Variants in SLC39A11 observed in about 807,000 individuals in gnomAD.
SLC39A11 encodes the protein solute carrier family 39 member 11.
Under a neutral mutation model 36.1 loss-of-function variants are expected in SLC39A11, and 33 were observed. That is an observed-to-expected ratio of 0.91 (90% CI 0.69 to 1.22). The LOEUF (loss-of-function observed/expected upper bound fraction) is 1.22. Among genes scored for constraint, SLC39A11 ranks in the 50% most tolerant of loss-of-function variants. The probability of loss-of-function intolerance (pLI) is 0.00; values close to 1 mark genes in which losing one functional copy is unlikely to be tolerated. For missense variants in SLC39A11, 432 were observed against 430.3 expected (o/e 1.00, Z -0.03); for synonymous variants, 166 against 170.3 (o/e 0.97, Z 0.20).
intron 6 of SLC39A11, among the ~76,000 whole-genome samples, chr17:72,813,378 C>G (rs1217858820): frequency 6.6e-6 from 1 of 152,160 alleles, no homozygotes; most frequent in African/African-American, 2.4e-5. Context: ...AATTAAGACA[C>G]CCATTTTCTC....
At chr17:72,909,077 C>T (rs964769161) in intron 5 of SLC39A11, among the ~76,000 whole-genome samples, 1 of 152,180 alleles carries the variant, frequency 6.6e-6, no homozygotes, top group Non-Finnish European at 1.5e-5. Flanking sequence ...AGCAGGTTGC[C>T]TCAGAGTGCA....
At chr17:72,936,913 G>A (rs2084808335) in intron 5 of SLC39A11, among the ~76,000 whole-genome samples, 1 of 152,178 alleles carries the variant, frequency 6.6e-6, no homozygotes, top group Non-Finnish European at 1.5e-5. Context: ...TGGACTCAGA[G>A]CTCAGGCAGT....
chr17:73,047,639 A>C (rs1170933088), intron 3 of SLC39A11, among the ~76,000 whole-genome samples: 1 of 151,962 alleles, frequency 6.6e-6, no homozygotes, highest in African/African-American at 2.4e-5. Context: ...GCCAAGATTC[A>C]GGCCCAGCCA....
At chr17:72,791,848 T>C (rs2076716561) in intron 6 of SLC39A11, among the ~76,000 whole-genome samples, 2 of 152,224 alleles carry the variant, frequency 1.3e-5, no homozygotes, top group African/African-American at 4.8e-5. Context: ...ACATGTTGGC[T>C]TCCCCTTCCA....
At chr17:72,780,192 A>G (rs2076262357) in intron 6 of SLC39A11, among the ~76,000 whole-genome samples, 1 of 152,162 alleles carries the variant, frequency 6.6e-6, no homozygotes, top group African/African-American at 2.4e-5. Context: ...GTGGGCCAGC[A>G]CTGCCCAGAG....
At chr17:72,839,749 C>T (rs1189490387) in intron 6 of SLC39A11, 3 of 152,178 alleles carry the variant, frequency 2.0e-5, no homozygotes, top group South Asian at 4.1e-4. Flanking sequence ...ATTAAAACAT[C>T]CCCAGTAAGA....
intron 6 of SLC39A11, among the ~76,000 whole-genome samples, chr17:72,819,337 C>T (rs2077690940): frequency 6.6e-6 from 1 of 151,308 alleles, no homozygotes; most frequent in Non-Finnish European, 1.5e-5. Flanking sequence ...CAGATCCTTC[C>T]CTCAGAGCCC....
At chr17:72,716,776 C>G (rs1271998876) in intron 7 of SLC39A11, among the ~76,000 whole-genome samples, 3 of 151,790 alleles carry the variant, frequency 2.0e-5, no homozygotes, top group Non-Finnish European at 4.4e-5. Context: ...TGAGACCAAC[C>G]TGGCCAACAT....
chr17:72,694,916 C>A (rs1334607955), intron 7 of SLC39A11, among the ~76,000 whole-genome samples: 1 of 152,208 alleles, frequency 6.6e-6, no homozygotes, highest in South Asian at 2.1e-4. Flanking sequence ...CTGTCTCTCA[C>A]TCCATCTTTC....
intron 5 of SLC39A11, among the ~76,000 whole-genome samples, chr17:72,924,287 A>G (rs1404182592): frequency 6.6e-6 from 1 of 151,980 alleles, no homozygotes; most frequent in East Asian, 1.9e-4. Flanking sequence ...TAACCCTAGT[A>G]AATCCTTTTA....
intron 4 of SLC39A11, among the ~76,000 whole-genome samples, chr17:73,009,491 G>A (rs1427697433): frequency 6.6e-6 from 1 of 152,048 alleles, no homozygotes; most frequent in African/African-American, 2.4e-5. Context: ...AATATGAAAT[G>A]TCCAGAATGG....
intron 3 of SLC39A11, among the ~76,000 whole-genome samples, chr17:73,062,936 C>T (rs1379386712): frequency 1.3e-5 from 2 of 152,120 alleles, no homozygotes; most frequent in East Asian, 3.9e-4. Flanking sequence ...TGGAGAGTGG[C>T]TGCAAATACA....
At chr17:72,679,903 G>A (rs1011983549) in intron 7 of SLC39A11, among the ~76,000 whole-genome samples, 2 of 151,950 alleles carry the variant, frequency 1.3e-5, no homozygotes, top group South Asian at 2.1e-4. Context: ...TTAGCTGGGC[G>A]TGGTGGCGCA....
intron 6 of SLC39A11, among the ~76,000 whole-genome samples, chr17:72,798,339 A>G (rs988245130): frequency 6.6e-6 from 1 of 151,764 alleles, no homozygotes; most frequent in Non-Finnish European, 1.5e-5. Context: ...TCAGGCTTGC[A>G]AAGAGCCACC....
intron 5 of SLC39A11, among the ~76,000 whole-genome samples, chr17:72,943,060 A>T (rs2085212915): frequency 6.6e-6 from 1 of 152,210 alleles, no homozygotes; most frequent in South Asian, 2.1e-4. Flanking sequence ...GGAGAAAGGG[A>T]TGATTCCAAA....
intron 6 of SLC39A11, among the ~76,000 whole-genome samples, chr17:72,808,475 G>C (rs1023001238): frequency 2.0e-5 from 3 of 152,160 alleles, no homozygotes; most frequent in African/African-American, 7.2e-5. Context: ...ACTGAAACTG[G>C]CTTTGTAAGA....
At chr17:72,884,521 G>C (rs1443211872) in intron 5 of SLC39A11, among the ~76,000 whole-genome samples, 2 of 152,174 alleles carry the variant, frequency 1.3e-5, no homozygotes, top group African/African-American at 2.4e-5. Context: ...CAAAGAAACA[G>C]TCACCCCATT....
intron 3 of SLC39A11, among the ~76,000 whole-genome samples, chr17:73,062,864 C>G (rs2059890177): frequency 6.6e-6 from 1 of 152,162 alleles, no homozygotes; most frequent in African/African-American, 2.4e-5. Context: ...GAGTTGTGCT[C>G]CTGTGAGAAT....
rs145989846 is a variant in SLC39A11 at position 72,714,099 on chromosome 17, T to G, written c.671+22551A>C. ...GGCCGGGCGCGGTGGCTAAAGCCTG[T>G]AATCCCAGCACTTTGGGAGGCCGAG... On this transcript the variant is annotated intron_variant, in intron 7 of 9. Coordinates refer to ENST00000255559, the MANE Select transcript of SLC39A11 (RefSeq NM_139177.4). Among the ~76,000 whole-genome samples the G allele has an allele frequency of 2.8e-3, 426 of 152,308 alleles. 12 individuals are homozygous for G. In the East Asian group the frequency reaches 0.06, roughly 21 times the overall value.
Sources: allele counts gnomAD v4.1 joint callset (sites outside exome capture counted in the v4.1 genomes callset), GRCh38; gene constraint gnomAD v4.1.1; transcripts MANE v1.5; gene names NCBI Gene and HGNC (gene_info 2026-07-23, HGNC 2026-07-21).